The following MTCL1 variants were observed in gnomAD, a reference collection of about 807,000 sequenced individuals.
MTCL1 encodes the protein microtubule crosslinking factor 1.
A neutral mutation model predicts 141.4 loss-of-function variants in MTCL1; 79 were observed. That is an observed-to-expected ratio of 0.56 (90% CI 0.47 to 0.67). The LOEUF (loss-of-function observed/expected upper bound fraction) is 0.67. MTCL1 is among the 30% of genes least tolerant of loss of function. The pLI, the probability that MTCL1 is intolerant of heterozygous loss-of-function variation, is 0.00. For synonymous variants in MTCL1, 914 were observed against 875.8 expected (o/e 1.04, Z -0.77); for missense variants, 2,177 against 2,113.9 (o/e 1.03, Z -0.59).
At chr18:8,755,195 C>T (rs2096390783) in intron 4 of MTCL1, among the ~76,000 whole-genome samples, 1 of 152,206 alleles carries the variant, frequency 6.6e-6, no homozygotes, top group Non-Finnish European at 1.5e-5. Flanking sequence ...AAAGGACTTG[C>T]CCAAGGTCAC....
chr18:8,813,169 G>T (rs765671835), exon 12 of MTCL1: 1 of 1,613,746 alleles, frequency 6.2e-7, no homozygotes, highest in Non-Finnish European at 8.5e-7. Context: ...CTTCTCGACC[G>T]CCTGGACAGA....
At chr18:8,826,915 C>T (rs1158911107) in intron 15 of MTCL1, among the ~76,000 whole-genome samples, 2 of 152,244 alleles carry the variant, frequency 1.3e-5, no homozygotes, top group Non-Finnish European at 2.9e-5. Context: ...TGCACATCCA[C>T]ATGTGGTGTT....
At chr18:8,796,249 C>G (rs2075915262) in exon 9 of MTCL1, 6 of 1,614,156 alleles carry the variant, frequency 3.7e-6, no homozygotes, top group Non-Finnish European at 5.1e-6. Flanking sequence ...AGGAGCACCT[C>G]TATGCCTTGA....
At chr18:8,759,275 C>G (rs1023468233) in intron 4 of MTCL1, among the ~76,000 whole-genome samples, 2 of 152,216 alleles carry the variant, frequency 1.3e-5, no homozygotes, top group African/African-American at 4.8e-5. Flanking sequence ...CTTCTCAAAG[C>G]AGAAAAACAT....
At chr18:8,814,769 G>T (rs1433085428) in intron 12 of MTCL1, among the ~76,000 whole-genome samples, 1 of 152,178 alleles carries the variant, frequency 6.6e-6, no homozygotes, top group Non-Finnish European at 1.5e-5. Context: ...CCCCTTTAGG[G>T]TGCCCTTCGC....
At chr18:8,739,367 G>A (rs905249385) in intron 4 of MTCL1, among the ~76,000 whole-genome samples, 1 of 152,190 alleles carries the variant, frequency 6.6e-6, no homozygotes, top group Non-Finnish European at 1.5e-5. Context: ...GTTTGGGGTG[G>A]GCGTGCATGC....
At chr18:8,784,697 T>C (rs1235559410) in exon 6 of MTCL1, 1 of 1,614,214 alleles carries the variant, frequency 6.2e-7, no homozygotes, top group South Asian at 1.1e-5. Context: ...GCTGCAGGCC[T>C]TCCTGGAGCA....
intron 13 of MTCL1, 55 bp downstream of exon 12, chr18:8,819,314 T>G: frequency 1.3e-6 from 2 of 1,582,112 alleles, no homozygotes; most frequent in Non-Finnish European, 1.7e-6. Flanking sequence ...GGAGCCGTCA[T>G]GAAACCTAAG....
upstream of MTCL1, among the ~76,000 whole-genome samples, chr18:8,714,828 A>G (rs1366215368): frequency 1.3e-5 from 2 of 150,616 alleles, no homozygotes; most frequent in African/African-American, 4.9e-5. Context: ...GTGGAGTCTC[A>G]CTCCATCGCC....
intron 8 of MTCL1, among the ~76,000 whole-genome samples, chr18:8,794,963 G>A (rs1275686414): frequency 6.6e-6 from 1 of 152,190 alleles, no homozygotes; most frequent in Non-Finnish European, 1.5e-5. Flanking sequence ...AAAAGACCAC[G>A]TTGCCTTATC....
intron 10 of MTCL1, 86 bp from the exon 10 acceptor site, chr18:8,806,807 C>T (rs1188524590): frequency 6.9e-7 from 1 of 1,443,742 alleles, no homozygotes; most frequent in Non-Finnish European, 9.4e-7. Flanking sequence ...AGCCCCCACA[C>T]TACCTTGATA....
intron 16 of MTCL1, chr18:8,831,372 A>G: frequency 7.4e-7 from 1 of 1,359,302 alleles, no homozygotes; most frequent in Non-Finnish European, 9.5e-7. Flanking sequence ...ATCTCACAGT[A>G]TTGCTGTGTT....
At chr18:8,783,902 T>A in exon 6 of MTCL1, 1 of 1,613,376 alleles carries the variant, frequency 6.2e-7, no homozygotes, top group Non-Finnish European at 8.5e-7. Flanking sequence ...TACCTCACCC[T>A]TCGGTGACTC....
At chr18:8,826,784 C>T (rs985823910) in intron 15 of MTCL1, among the ~76,000 whole-genome samples, 2 of 152,190 alleles carry the variant, frequency 1.3e-5, no homozygotes, top group Non-Finnish European at 2.9e-5. Context: ...CATGAGCCCC[C>T]CTAGCAGTAA....
intron 4 of MTCL1, among the ~76,000 whole-genome samples, chr18:8,762,815 G>A (rs924475923): frequency 2.0e-5 from 3 of 152,330 alleles, no homozygotes; most frequent in African/African-American, 2.4e-5. Flanking sequence ...GAGGCTCTGC[G>A]GGATAGGGCG....
At chr18:8,824,890 G>C (rs143281645) in exon 15 of MTCL1, 10 of 1,613,834 alleles carry the variant, frequency 6.2e-6, no homozygotes, top group Admixed American at 3.3e-5. Flanking sequence ...CACAATGGTG[G>C]GGGGCCGGAC....
intron 11 of MTCL1, chr18:8,809,620 A>G (rs1238223752): frequency 6.5e-7 from 1 of 1,529,862 alleles, no homozygotes; most frequent in East Asian, 2.5e-5. Context: ...GAGGGCACAC[A>G]CCTGAAAAAA....
At chr18:8,820,320 G>A (rs1250417154) in intron 13 of MTCL1, among the ~76,000 whole-genome samples, 2 of 152,170 alleles carry the variant, frequency 1.3e-5, no homozygotes, top group African/African-American at 4.8e-5. Flanking sequence ...TGAGGCAGGA[G>A]AATGGCGTGA....
intron 10 of MTCL1, among the ~76,000 whole-genome samples, chr18:8,798,695 C>T (rs2076011171): frequency 1.3e-5 from 2 of 152,184 alleles, no homozygotes; most frequent in Non-Finnish European, 2.9e-5. Flanking sequence ...TTCAAGTTCT[C>T]TTTGGCCCAC....
Sources: allele counts gnomAD v4.1 joint callset (sites outside exome capture counted in the v4.1 genomes callset), GRCh38; gene constraint gnomAD v4.1.1; transcripts MANE v1.5; gene names NCBI Gene and HGNC (gene_info 2026-07-23, HGNC 2026-07-21).